The following CPHXL2 variants were observed in gnomAD, a reference collection of about 807,000 sequenced individuals.
CPHXL2 encodes the protein cytoplasmic polyadenylated homeobox-like protein 2.
At chr16:75,664,941 G>C in the CPHXL2 span, among the ~76,000 whole-genome samples, 2 of 152,148 alleles carry the variant, frequency 1.3e-5, no homozygotes, top group Admixed American at 6.6e-5. Context: ...GGACTTCTCA[G>C]CCTCCCTAAC....
the CPHXL2 span, among the ~76,000 whole-genome samples, chr16:75,663,885 C>CAAAAA: frequency 2.2e-4 from 19 of 85,500 alleles, no homozygotes; most frequent in African/African-American, 6.0e-4. Flanking sequence ...GACTCTGTCT[C>CAAAAA]AAAAAAAAAA....
At chr16:75,669,608 C>G in the CPHXL2 span, 2 of 398,022 alleles carry the variant, frequency 5.0e-6, no homozygotes, top group South Asian at 2.6e-4. Context: ...TGGTAATAAC[C>G]AGACCAAAGA....
chr16:75,672,278 CAAA>C, the CPHXL2 span, among the ~76,000 whole-genome samples: 2 of 96,344 alleles, frequency 2.1e-5, no homozygotes, highest in African/African-American at 3.9e-5. Context: ...GACTCCATCT[CAAA>C]AAAAAAAAAA....
chr16:75,669,021 T>A, the CPHXL2 span, among the ~76,000 whole-genome samples: 1 of 152,148 alleles, frequency 6.6e-6, no homozygotes, highest in Non-Finnish European at 1.5e-5. Context: ...GCCCTTTAAT[T>A]TTCTAGGAAA....
the CPHXL2 span, among the ~76,000 whole-genome samples, chr16:75,661,599 A>G: frequency 6.6e-6 from 1 of 151,848 alleles, no homozygotes. Context: ...TGTGCTACAG[A>G]AGAGGCTCCC....
At chr16:75,664,828 G>C in the CPHXL2 span, among the ~76,000 whole-genome samples, 1 of 151,964 alleles carries the variant, frequency 6.6e-6, no homozygotes, top group Non-Finnish European at 1.5e-5. Context: ...AAGAGTAAGA[G>C]ACCCCTGAGC....
At chr16:75,668,542 G>T in the CPHXL2 span, among the ~76,000 whole-genome samples, 1 of 151,286 alleles carries the variant, frequency 6.6e-6, no homozygotes, top group South Asian at 2.1e-4. Flanking sequence ...TTTTCATATT[G>T]TGTGTGTGTG....
the CPHXL2 span, among the ~76,000 whole-genome samples, chr16:75,671,540 A>C: frequency 2.0e-5 from 3 of 152,170 alleles, no homozygotes. Flanking sequence ...ACTAGACTGG[A>C]AGCCCCAGAG....
the CPHXL2 span, among the ~76,000 whole-genome samples, chr16:75,662,335 CTTTT>C: frequency 4.7e-5 from 6 of 126,766 alleles, no homozygotes; most frequent in Non-Finnish European, 4.9e-5. Flanking sequence ...TCTTTCTTTT[CTTTT>C]TTTTTTTTTT....
chr16:75,673,106 A>T, the CPHXL2 span, among the ~76,000 whole-genome samples: 3 of 151,174 alleles, frequency 2.0e-5, no homozygotes, highest in Non-Finnish European at 4.4e-5. Flanking sequence ...AGACAAAAAA[A>T]AGAAAAAGGG....
the CPHXL2 span, chr16:75,660,837 G>A: frequency 1.0e-5 from 4 of 398,518 alleles, no homozygotes; most frequent in African/African-American, 6.2e-5. Context: ...CTCACTTCCT[G>A]TGTCACCTCC....
At chr16:75,668,444 G>A in the CPHXL2 span, among the ~76,000 whole-genome samples, 6 of 152,004 alleles carry the variant, frequency 3.9e-5, no homozygotes, top group Non-Finnish European at 8.8e-5. Flanking sequence ...GGTCAGGCTG[G>A]TCTCAAACTC....
the CPHXL2 span, among the ~76,000 whole-genome samples, chr16:75,668,470 G>C: frequency 6.6e-6 from 1 of 152,014 alleles, no homozygotes; most frequent in Non-Finnish European, 1.5e-5. Flanking sequence ...CTCGTGATTC[G>C]CCCACTGTGG....
At chr16:75,672,320 A>AT in the CPHXL2 span, among the ~76,000 whole-genome samples, 1 of 152,002 alleles carries the variant, frequency 6.6e-6, no homozygotes, top group African/African-American at 2.4e-5. Context: ...TTGGTTTACA[A>AT]TTTCAAAATA....
At chr16:75,663,818 G>A in the CPHXL2 span, among the ~76,000 whole-genome samples, 1 of 147,634 alleles carries the variant, frequency 6.8e-6, no homozygotes, top group African/African-American at 2.6e-5. Flanking sequence ...CCTGGGAGGC[G>A]GAGCTTACAG....
At chr16:75,672,231 A>T in the CPHXL2 span, among the ~76,000 whole-genome samples, 4 of 151,494 alleles carry the variant, frequency 2.6e-5, no homozygotes, top group Admixed American at 1.3e-4. Context: ...GTGAGCCTAG[A>T]TTGCACCACT....
At chr16:75,673,488 G>T in the CPHXL2 span, among the ~76,000 whole-genome samples, 1 of 151,928 alleles carries the variant, frequency 6.6e-6, no homozygotes, top group African/African-American at 2.4e-5. Context: ...CTGACTTGGA[G>T]ATATCAGTTT....
the CPHXL2 span, among the ~76,000 whole-genome samples, chr16:75,669,888 A>G: frequency 2.0e-5 from 3 of 152,228 alleles, no homozygotes; most frequent in African/African-American, 7.2e-5. Flanking sequence ...TCCAGGGTCC[A>G]CACAGCCTAA....
At chr16:75,667,340 A>T in the CPHXL2 span, among the ~76,000 whole-genome samples, 1 of 152,024 alleles carries the variant, frequency 6.6e-6, no homozygotes. Context: ...ATTAGAAAAA[A>T]ATTAGTAATG....
Sources: allele counts gnomAD v4.1 joint callset (sites outside exome capture counted in the v4.1 genomes callset), GRCh38; gene constraint gnomAD v4.1.1; transcripts MANE v1.5; gene names NCBI Gene and HGNC (gene_info 2026-07-23, HGNC 2026-07-21).